Variants in RHBDD1 observed in about 807,000 individuals in gnomAD.
RHBDD1 encodes the protein rhomboid domain containing 1, also known as rhomboid-related protein 4.
RHBDD1 carries 38 observed loss-of-function variants against 36.3 expected under a neutral mutation model. That is an observed-to-expected ratio of 1.05 (90% CI 0.81 to 1.37). The LOEUF is 1.37. Ranked by LOEUF, RHBDD1 falls within the 40% of genes most tolerant of loss-of-function variation. The probability of loss-of-function intolerance (pLI) is 0.00; values close to 1 mark genes in which losing one functional copy is unlikely to be tolerated. For missense variants in RHBDD1, 393 were observed against 377.6 expected (o/e 1.04, Z -0.34); for synonymous variants, 151 against 136.5 (o/e 1.11, Z -0.74).
At chr2:226,864,288 C>A (rs547825979) in intron 3 of RHBDD1, among the ~76,000 whole-genome samples, 1 of 152,162 alleles carries the variant, frequency 6.6e-6, no homozygotes, top group Non-Finnish European at 1.5e-5. Flanking sequence ...TGCACACTAT[C>A]TTTGTAGGTT....
At chr2:226,852,346 G>A (rs1559193776) in intron 3 of RHBDD1, among the ~76,000 whole-genome samples, 2 of 152,302 alleles carry the variant, frequency 1.3e-5, no homozygotes, top group African/African-American at 4.8e-5. Context: ...AAAAATGTCT[G>A]TGTGCAATGG....
chr2:226,835,561 G>C (rs1940876706), upstream of RHBDD1: 1 of 152,230 alleles, frequency 6.6e-6, no homozygotes, highest in African/African-American at 2.4e-5. Context: ...CCTAACAGGC[G>C]GTATCTGACC....
upstream of RHBDD1, among the ~76,000 whole-genome samples, chr2:226,834,019 T>C (rs1168342357): frequency 6.6e-6 from 1 of 152,228 alleles, no homozygotes; most frequent in Admixed American, 6.5e-5. Context: ...TCTATGAAAA[T>C]TTTCACTGAT....
chr2:226,983,537 C>T (rs1287493461), intron 8 of RHBDD1, among the ~76,000 whole-genome samples: 2 of 152,214 alleles, frequency 1.3e-5, no homozygotes, highest in African/African-American at 4.8e-5. Flanking sequence ...GTGACCTAAA[C>T]TTGACCACTC....
At position 226,919,800 on chromosome 2, in the gene RHBDD1, A is replaced by G. The variant is rs1048266436; in HGVS notation, c.856+5449A>G. 2.6e-5 allele frequency among the ~76,000 whole-genome samples: 4 copies of G among 151,978 alleles called. No homozygotes were observed. The South Asian group carries it at 6.2e-4, about 24-fold the overall frequency. ...CTTTCTGCTCGGGATAGCTTTGGCT[A>G]TTCTTGGTCTTCTGTGGTCCCATGT... On this transcript the variant is annotated intron_variant, in intron 8 of 8. Transcript: ENST00000392062.
chr2:226,972,946 CAAAA>C (rs924293249), intron 8 of RHBDD1, among the ~76,000 whole-genome samples: 1 of 128,662 alleles, frequency 7.8e-6, no homozygotes, highest in Non-Finnish European at 1.7e-5. Flanking sequence ...AAAAAAAAAA[CAAAA>C]AACCATGCAG....
chr2:226,818,776 T>G, the RHBDD1 span, among the ~76,000 whole-genome samples: 1 of 150,886 alleles, frequency 6.6e-6, no homozygotes, highest in South Asian at 2.1e-4. Flanking sequence ...GAGGTGGAGG[T>G]TGCAGTGAGA....
the RHBDD1 span, among the ~76,000 whole-genome samples, chr2:226,808,063 G>C: frequency 2.0e-5 from 3 of 152,230 alleles, no homozygotes; most frequent in South Asian, 4.1e-4. Context: ...AGACTGTTGG[G>C]GGGAGGACAG....
At chr2:226,858,318 G>C (rs1943525989) in intron 3 of RHBDD1, among the ~76,000 whole-genome samples, 1 of 152,032 alleles carries the variant, frequency 6.6e-6, no homozygotes, top group Non-Finnish European at 1.5e-5. Context: ...ATCTTAAAGA[G>C]GAAAAAACAT....
intron 8 of RHBDD1, among the ~76,000 whole-genome samples, chr2:226,945,145 G>GATTATTATTATTATT (rs60027437): frequency 0.016 from 2,271 of 144,786 alleles, 33 homozygotes; most frequent in Admixed American, 0.042. Context: ...GATCAAATCT[G>GATTATTATTATTATT]ATTATTATTA....
chr2:226,858,408 G>A (rs557771243), intron 3 of RHBDD1, among the ~76,000 whole-genome samples: 2 of 152,246 alleles, frequency 1.3e-5, no homozygotes, highest in Admixed American at 6.5e-5. Flanking sequence ...CTTCAGAACA[G>A]CATTTGATTA....
At chr2:226,884,234 A>C (rs1324518771) in intron 5 of RHBDD1, among the ~76,000 whole-genome samples, 1 of 152,074 alleles carries the variant, frequency 6.6e-6, no homozygotes, top group African/African-American at 2.4e-5. Flanking sequence ...TTTTTAGTTA[A>C]AAGTCATGGG....
chr2:226,826,941 T>C, the RHBDD1 span, among the ~76,000 whole-genome samples: 9 of 152,246 alleles, frequency 5.9e-5, no homozygotes, highest in African/African-American at 2.2e-4. Context: ...TAAGACATGT[T>C]AATAGATTAC....
At chr2:226,993,103 C>T (rs770267411) in intron 8 of RHBDD1, among the ~76,000 whole-genome samples, 3 of 152,248 alleles carry the variant, frequency 2.0e-5, no homozygotes, top group Non-Finnish European at 4.4e-5. Context: ...TGTGTGCTGG[C>T]TGCTCCTTTT....
the RHBDD1 span, among the ~76,000 whole-genome samples, chr2:226,814,838 AT>A: frequency 1.3e-5 from 2 of 152,224 alleles, no homozygotes; most frequent in South Asian, 4.1e-4. Context: ...AGAAGTCAGC[AT>A]GTTTACATCA....
At chr2:226,806,803 G>C in the RHBDD1 span, among the ~76,000 whole-genome samples, 14 of 152,006 alleles carry the variant, frequency 9.2e-5, no homozygotes, top group Non-Finnish European at 1.6e-4. Context: ...GCACACTAAG[G>C]TGTCATGACC....
intron 8 of RHBDD1, among the ~76,000 whole-genome samples, chr2:226,946,666 G>A (rs953224229): frequency 6.6e-6 from 1 of 152,168 alleles, no homozygotes; most frequent in African/African-American, 2.4e-5. Flanking sequence ...TATCACCACT[G>A]ATCCCACAGA....
At chr2:226,857,694 G>C (rs1330483815) in intron 3 of RHBDD1, among the ~76,000 whole-genome samples, 2 of 152,168 alleles carry the variant, frequency 1.3e-5, no homozygotes, top group Admixed American at 6.5e-5. Context: ...CATGTATTGT[G>C]TGACTTCATG....
the RHBDD1 span, among the ~76,000 whole-genome samples, chr2:226,823,282 T>C: frequency 1.1e-4 from 16 of 152,346 alleles, no homozygotes; most frequent in Admixed American, 1.0e-3. Flanking sequence ...TCCAGAACCA[T>C]GAGCAATCAA....
Sources: allele counts gnomAD v4.1 joint callset (sites outside exome capture counted in the v4.1 genomes callset), GRCh38; gene constraint gnomAD v4.1.1; transcripts MANE v1.5; gene names NCBI Gene and HGNC (gene_info 2026-07-23, HGNC 2026-07-21).